The following MARCHF8 variants were observed in gnomAD, a reference collection of about 807,000 sequenced individuals.
MARCHF8 encodes membrane associated ring-CH-type finger 8.
A neutral mutation model predicts 51.6 loss-of-function variants in MARCHF8; 40 were observed. That is an observed-to-expected ratio of 0.77 (90% CI 0.60 to 1.01). The LOEUF (loss-of-function observed/expected upper bound fraction) is 1.01, where lower values mean the gene tolerates loss of function less well. Ranked by LOEUF, MARCHF8 falls within the 50% of genes least tolerant of loss-of-function variation. The pLI, the probability that MARCHF8 is intolerant of heterozygous loss-of-function variation, is 0.00. For missense variants in MARCHF8, 685 were observed against 708.6 expected, an observed-to-expected ratio of 0.97 and a Z score of 0.38; for synonymous variants, 263 against 280.3, an observed-to-expected ratio of 0.94 and a Z score of 0.62.
rs757208683 is a variant in MARCHF8 at position 45,463,520 on chromosome 10, C to G, written c.719G>C (p.Gly240Ala). ...ATCCGCCTTCTCTTCCAGCAGCAGG[C>G]CGGGCCTGCCCCCCTTGCCAGCTTC... is the stretch of plus-strand genomic sequence containing the variant. ...EVEAGKGGRP[G>A]LLLEEKADGE... Residue 240 changes from glycine to alanine, a missense_variant, in exon 5 of 8, where the codon GGC becomes GCC. By Grantham distance (60) the Gly-to-Ala change is moderately conservative (BLOSUM62 0). Transcript: ENST00000453424. 42 of 1,550,664 alleles carry G rather than the reference C, an allele frequency of 2.7e-5. 1 individual carries two copies. In the South Asian group the frequency reaches 4.8e-4, roughly 18 times the overall value.
intron 1 of MARCHF8, among the ~76,000 whole-genome samples, chr10:45,553,662 A>C (rs944661629): frequency 2.6e-5 from 4 of 152,254 alleles, no homozygotes; most frequent in African/African-American, 9.6e-5. Context: ...AATTCACACA[A>C]TGAAATAGAC....
chr10:45,488,499 G>A lies in MARCHF8; in HGVS notation c.153+868C>T, dbSNP rs1396542987. The stretch of plus-strand genomic sequence containing the variant: ...ACAGGGAGCCGAAGACCCATGGGAC[G>A]TGACCAACTCAGCATTCCCCTGGAG... On this transcript the variant is annotated intron_variant, in intron 3 of 7. Coordinates refer to ENST00000453424, the MANE Select transcript of MARCHF8 (RefSeq NM_001282866.2). 2.6e-5 allele frequency among the ~76,000 whole-genome samples: 4 copies of A among 152,204 alleles called. No homozygotes were observed. In the East Asian group the frequency reaches 7.7e-4, roughly 29 times the overall value.
chr10:45,504,834 C>A (rs544451795), intron 2 of MARCHF8, among the ~76,000 whole-genome samples: 7 of 152,302 alleles, frequency 4.6e-5, no homozygotes, highest in Admixed American at 4.6e-4. Context: ...GCTGAAAATA[C>A]TGTCACTTTT....
intron 1 of MARCHF8, among the ~76,000 whole-genome samples, chr10:45,583,012 GA>G (rs1049579362): frequency 5.3e-5 from 8 of 152,116 alleles, no homozygotes; most frequent in African/African-American, 1.9e-4. Flanking sequence ...ATCAAACTGG[GA>G]AGGCAATGCA....
chr10:45,501,414 T>C (rs551607158), intron 2 of MARCHF8, among the ~76,000 whole-genome samples: 2 of 151,998 alleles, frequency 1.3e-5, no homozygotes, highest in Non-Finnish European at 2.9e-5. Flanking sequence ...AGCAATTCAA[T>C]AGAGGAAAGA....
chr10:45,562,315 A>G (rs1290183631), intron 1 of MARCHF8, among the ~76,000 whole-genome samples: 1 of 152,210 alleles, frequency 6.6e-6, no homozygotes, highest in Non-Finnish European at 1.5e-5. Context: ...ACCTACCAAT[A>G]TAAACAAAAA....
intron 3 of MARCHF8, among the ~76,000 whole-genome samples, chr10:45,485,401 T>C (rs1420135541): frequency 6.6e-6 from 1 of 152,236 alleles, no homozygotes; most frequent in Non-Finnish European, 1.5e-5. Flanking sequence ...ATTAACATTG[T>C]ACTATCAATA....
intron 1 of MARCHF8, among the ~76,000 whole-genome samples, chr10:45,562,580 A>C (rs1321602479): frequency 3.3e-5 from 5 of 152,226 alleles, no homozygotes; most frequent in Non-Finnish European, 7.3e-5. Flanking sequence ...TTCCCAGCTA[A>C]AGTAACAGAG....
At position 45,561,799 on chromosome 10, in the gene MARCHF8, G is replaced by A. The variant is rs891594240; in HGVS notation, c.-78-28510C>T. 2.0e-5 allele frequency among the ~76,000 whole-genome samples: 3 copies of A among 150,112 alleles called. No homozygotes were observed. The South Asian group carries it at 6.3e-4, about 32-fold the overall frequency. On this transcript the variant is annotated intron_variant, in intron 1 of 6. Coordinates refer to the MARCHF8 transcript ENST00000319836. ...GCCTGTAGTTCCAGCTACTCAGGAG[G>A]CTGAGGCAAGAGAATGGCGTGAACC...
At chr10:45,514,725 G>T (rs2043590707) in intron 2 of MARCHF8, among the ~76,000 whole-genome samples, 1 of 152,236 alleles carries the variant, frequency 6.6e-6, no homozygotes, top group Non-Finnish European at 1.5e-5. Flanking sequence ...TCCCGTCAAT[G>T]ACAGTAAATG....
In MARCHF8 at chr10:45,456,340, G is replaced by A. The variant is rs1252639869; in HGVS notation, c.*1899C>T. On this transcript the variant is annotated 3_prime_UTR_variant, in exon 8 of 8. Transcript: ENST00000453424. The stretch of plus-strand genomic sequence containing the variant: ...AAAGGAGAGGCTGACCTATTCTCAG[G>A]AGCTGGCTATGGCTGGACAGTGCCT... The A allele has an allele frequency of 6.6e-6, 1 of 152,464 alleles. No individual in the cohort carries two copies. Among genetic ancestry groups the A allele is most frequent in the Non-Finnish European group, 1.5e-5 (1 of 68,288 alleles). 9.4% of individuals were successfully genotyped at this position (152,464 alleles called of 1,614,324 possible). A position where few individuals can be genotyped will look rare whatever the true frequency, so the allele number is the denominator to read the frequency against.
In MARCHF8 at chr10:45,576,509, T is replaced by C. The variant is rs543505375; in HGVS notation, c.-79+17726A>G. On this transcript the variant is annotated intron_variant, in intron 1 of 6. Coordinates refer to the MARCHF8 transcript ENST00000319836. ...AGATGCAAGAAGTACCACCCCCTCA[T>C]GGTGTTAGAATAACACTGGTAGAAT... 5.3e-5 allele frequency among the ~76,000 whole-genome samples: 8 copies of C among 152,308 alleles called. 1 individual carries two copies. The South Asian group carries it at 1.4e-3, about 28-fold the overall frequency.
chr10:45,489,630 A>C (rs1190974589), intron 2 of MARCHF8, among the ~76,000 whole-genome samples: 2 of 152,206 alleles, frequency 1.3e-5, no homozygotes, highest in African/African-American at 2.4e-5. Context: ...TAAAGGATTT[A>C]ACATTTTATT....
chr10:45,504,436 C>T (rs1159649497), intron 2 of MARCHF8, among the ~76,000 whole-genome samples: 1 of 152,202 alleles, frequency 6.6e-6, no homozygotes, highest in African/African-American at 2.4e-5. Flanking sequence ...AAGAGCGAAA[C>T]TCCGTCTCGA....
At chr10:45,530,734 CT>C (rs2043865252) in intron 2 of MARCHF8, among the ~76,000 whole-genome samples, 1 of 152,118 alleles carries the variant, frequency 6.6e-6, no homozygotes, top group Admixed American at 6.5e-5. Flanking sequence ...GATCACGCCA[CT>C]GTATGCTAGC....
intron 2 of MARCHF8, among the ~76,000 whole-genome samples, chr10:45,493,646 G>C (rs1193706393): frequency 1.3e-5 from 2 of 152,110 alleles, no homozygotes; most frequent in Non-Finnish European, 2.9e-5. Context: ...TTAGGTCTAG[G>C]GGGGACTCAG....
intron 1 of MARCHF8, among the ~76,000 whole-genome samples, chr10:45,534,808 C>A (rs1199217618): frequency 6.6e-6 from 1 of 152,086 alleles, no homozygotes; most frequent in South Asian, 2.1e-4. Context: ...CCAAACTCTA[C>A]TCTGGATCAA....
chr10:45,516,193 T>G (rs1211445082), intron 2 of MARCHF8, among the ~76,000 whole-genome samples: 2 of 152,194 alleles, frequency 1.3e-5, no homozygotes, highest in African/African-American at 4.8e-5. Flanking sequence ...TTCTGCTAAC[T>G]CCCAGTTTCC....
chr10:45,588,327 C>T (rs1029010190), intron 1 of MARCHF8, among the ~76,000 whole-genome samples: 1 of 152,200 alleles, frequency 6.6e-6, no homozygotes, highest in African/African-American at 2.4e-5. Context: ...AACCTCCTTT[C>T]ATATAGTTCC....
Sources: gnomAD v4.1 joint callset for allele counts (sites outside exome capture counted in the v4.1 genomes callset) on GRCh38, gnomAD v4.1.1 for gene constraint, MANE v1.5 for transcripts, NCBI Gene and HGNC (gene_info 2026-07-23, HGNC 2026-07-21) for gene names.